The following FZD1 variants were observed in gnomAD, a reference collection of about 807,000 sequenced individuals.
The protein encoded by FZD1 is frizzled class receptor 1.
FZD1 carries 22 observed loss-of-function variants against 48.0 expected under a neutral mutation model. The ratio of observed to expected loss-of-function variants is 0.46; its 90% CI spans 0.33 to 0.65. The LOEUF (loss-of-function observed/expected upper bound fraction) is 0.65. Among genes scored for constraint, FZD1 ranks in the 30% least tolerant of loss-of-function variants. FZD1 has a pLI of 0.02. For synonymous variants in FZD1, 486 were observed against 409.6 expected, an observed-to-expected ratio of 1.19 and a Z score of -2.25; for missense variants, 843 against 898.1, an observed-to-expected ratio of 0.94 and a Z score of 0.78.
At position 91,265,917 on chromosome 7, in the gene FZD1, G is replaced by A; in HGVS notation, c.1037G>A (p.Arg346Gln). 6.2e-7 allele frequency: 1 copy of A among 1,614,170 alleles called. No homozygotes were observed. Among genetic ancestry groups the A allele is most frequent in the Non-Finnish European group, 8.5e-7 (1 of 1,180,012 alleles). ...FTVLTYLVDM[R>Q]RFSYPERPII... ...GTGCTTACGTACCTGGTGGACATGC[G>A]GCGCTTCAGCTACCCGGAGCGGCCC... Residue 346 changes from arginine (R) to glutamine (Q), a missense_variant, in exon 1 of 1, where the codon CGG becomes CAG. This residue lies in a region of FZD1 where 353 missense variants were observed against 431.6 expected (regional missense o/e 0.82). Transcript: ENST00000287934. The surrounding 1 kb of genome is among the most constrained non-coding windows in gnomAD (Gnocchi z 6.9).
At position 91,268,547 on chromosome 7, in the gene FZD1, A is replaced by G. The variant is rs974824442; in HGVS notation, c.*1723A>G. On this transcript the variant is annotated 3_prime_UTR_variant, in exon 1 of 1. Transcript: ENST00000287934. ...TCAAAATGCCGGTACTTAGGACCTA[A>G]ATTTATCTATGTCTGTCATACGCTA... The G allele has an allele frequency of 6.0e-6, 1 of 167,004 alleles. No homozygotes were observed. Among genetic ancestry groups the G allele is most frequent in the African/African-American group, 2.4e-5 (1 of 41,434 alleles). The allele number at this position is 167,004 out of a possible 1,614,324, so 10.3% of individuals were successfully genotyped here.
rs1803941954 is a variant in FZD1, at chr7:91,269,754, T to TA, written c.*2931dup. 6.0e-6 allele frequency: 1 copy of TA among 166,908 alleles called. No individual in the cohort carries two copies. Among genetic ancestry groups the TA allele is most frequent in the Non-Finnish European group, 1.5e-5 (1 of 68,106 alleles). The allele number at this position is 166,908 out of a possible 1,614,324, so 10.3% of individuals were successfully genotyped here. On this transcript the variant is annotated 3_prime_UTR_variant, in exon 1 of 1. Coordinates refer to ENST00000287934, the MANE Select transcript of FZD1 (RefSeq NM_003505.2). Reference sequence around the variant, plus strand: ...AGATAGAGGGTTTATTGTATAGACATACACAAAAAAATAGTATTCTTAGGC... The same window carrying TA: ...AGATAGAGGGTTTATTGTATAGACATAACACAAAAAAATAGTATTCTTAGGC...
In FZD1 at chr7:91,265,672, G is replaced by T; in HGVS notation, c.792G>T (p.Gly264=). The change falls in exon 1 of 1, where the codon GGG becomes GGT. Residue 264 remains glycine (G), a synonymous_variant. Transcript: ENST00000287934. This position sits in a 1 kb window ranked among gnomAD's most constrained non-coding sequence, Gnocchi z 6.9. ...GAGGGCACCGTGGCGGCTTCCCGGG[G>T]GGCGCCGGCGCGTCGGAGCGAGGCA... The part of the protein sequence containing the change: ...GGGGHRGGFP[G]GAGASERGKF... 1 of 1,569,232 alleles carries T rather than the reference G, an allele frequency of 6.4e-7. No individual in the cohort carries two copies.
At position 91,265,789 on chromosome 7, in the gene FZD1, C is replaced by G; in HGVS notation, c.909C>G (p.Thr303=). 1 of 1,612,682 alleles carries G rather than the reference C, an allele frequency of 6.2e-7. No individual in the cohort carries two copies. ...EKDCGAPCEP[T]KVYGLMYFGP... is the part of the protein sequence containing the mutation. ...ACTGCGGCGCACCTTGTGAGCCGAC[C>G]AAGGTGTATGGGCTCATGTACTTCG... The change falls in exon 1 of 1, where the codon ACC becomes ACG. Residue 303 remains threonine, a synonymous_variant. Transcript: ENST00000287934. The surrounding 1 kb of genome is among the most constrained non-coding windows in gnomAD (Gnocchi z 6.9).
rs2116130300 is a variant in FZD1 at position 91,265,095 on chromosome 7, C to T, written c.215C>T (p.Ala72Val). The T allele has an allele frequency of 7.2e-7, 1 of 1,390,170 alleles. No homozygotes were observed. The highest frequency in any genetic ancestry group is 9.3e-7 in the Non-Finnish European group (1 of 1,075,180). 86.1% of individuals were successfully genotyped at this position (1,390,170 alleles called of 1,614,324 possible). A position where few individuals can be genotyped will look rare whatever the true frequency, so the allele number is the denominator to read the frequency against. Residue 72 changes from alanine to valine, a missense_variant, in exon 1 of 1, where the codon GCC becomes GTC. Around this residue, in one of 2 missense-constraint regions of FZD1, gnomAD observed 490 missense variants for 466.5 expected, o/e 1.05. Coordinates refer to ENST00000287934, the MANE Select transcript of FZD1 (RefSeq NM_003505.2). This position sits in a 1 kb window ranked among gnomAD's most constrained non-coding sequence, Gnocchi z 6.9. ...LEAPLLLGVRAQAAGQGPGQG... is the reference protein window; with the variant it reads ...LEAPLLLGVRVQAAGQGPGQG... ...GCTCCGCTGCTGCTGGGGGTCCGGG[C>T]CCAGGCGGCGGGCCAGGGGCCAGGC...
Position 91,264,868 on chromosome 7 carries a change from G to A in FZD1, c.-13G>A, listed in dbSNP as rs1803841566. 2 of 1,286,612 alleles carry A rather than the reference G, an allele frequency of 1.6e-6. No individual in the cohort carries two copies. Among genetic ancestry groups the A allele is most frequent in the South Asian group, 2.5e-5 (1 of 39,404 alleles). The allele number at this position is 1,286,612 out of a possible 1,614,324, so 79.7% of individuals were successfully genotyped here. On this transcript the variant is annotated 5_prime_UTR_variant, in exon 1 of 1. Coordinates refer to ENST00000287934, the MANE Select transcript of FZD1 (RefSeq NM_003505.2). ...CCCCAGCGGAGCGGCGCCAAGAGAG[G>A]AGCCGAGAAAGTATGGCTGAGGAGG... is the stretch of plus-strand genomic sequence containing the variant.
chr7:91,267,721 C>T lies in FZD1; in HGVS notation c.*897C>T, dbSNP rs972617395. ...TTGGTTACAGGGTGAGTGAGATAAC[C>T]AATGCCAAACTTTTTGAAGTCTAAT... On this transcript the variant is annotated 3_prime_UTR_variant, in exon 1 of 1. Coordinates refer to ENST00000287934, the MANE Select transcript of FZD1 (RefSeq NM_003505.2). 11 of 167,068 alleles carry T rather than the reference C, an allele frequency of 6.6e-5. No individual in the cohort carries two copies. The highest frequency in any genetic ancestry group is 2.4e-4 in the African/African-American group (10 of 41,450). 10.3% of individuals were successfully genotyped at this position (167,068 alleles called of 1,614,324 possible).
Position 91,265,208 on chromosome 7 carries a change from G to T in FZD1, c.328G>T (p.Val110Phe). 1.2e-6 allele frequency: 2 copies of T among 1,613,804 alleles called. No homozygotes were observed. Among genetic ancestry groups the T allele is most frequent in the Non-Finnish European group, 1.7e-6 (2 of 1,179,932 alleles). Residue 110 changes from valine (V) to phenylalanine (F), a missense_variant, in exon 1 of 1, where the codon GTC becomes TTC. By Grantham distance (50) the Val-to-Phe change is conservative. Transcript: ENST00000287934. The surrounding 1 kb of genome is among the most constrained non-coding windows in gnomAD (Gnocchi z 6.9). ...GTACAACGGCGAGCGGGGCATCTCC[G>T]TCCCGGACCACGGCTATTGCCAGCC... ...QQYNGERGISVPDHGYCQPIS... is the reference protein window; with the variant it reads ...QQYNGERGISFPDHGYCQPIS...
In FZD1 at chr7:91,267,059, G is replaced by C. The variant is rs1803896593; in HGVS notation, c.*235G>C. The C allele has an allele frequency of 9.9e-6, 5 of 504,440 alleles. No homozygotes were observed. The highest frequency in any genetic ancestry group is 1.8e-5 in the Non-Finnish European group (5 of 276,214). The allele number at this position is 504,440 out of a possible 1,614,324, so 31.2% of individuals were successfully genotyped here. On this transcript the variant is annotated 3_prime_UTR_variant, in exon 1 of 1. Transcript: ENST00000287934. ...GACAGACCTCTTGCCCTCACACTCT[G>C]GTACCAGGACTGTTCGCTTTTATGA... is the stretch of plus-strand genomic sequence containing the variant.
At position 91,266,032 on chromosome 7, in the gene FZD1, G is replaced by C; in HGVS notation, c.1152G>C (p.Lys384Asn). ...LLEDRVVCNDKFAEDGARTVA... is the reference protein window; with the variant it reads ...LLEDRVVCNDNFAEDGARTVA... ...AAGACCGAGTGGTGTGTAATGACAA[G>C]TTCGCCGAGGACGGGGCACGCACTG... The change falls in exon 1 of 1, where the codon AAG becomes AAC. Residue 384 changes from lysine (K) to asparagine (N), a missense_variant. Around this residue, in one of 2 missense-constraint regions of FZD1, gnomAD observed 353 missense variants for 431.6 expected, o/e 0.82. Transcript: ENST00000287934. The surrounding 1 kb of genome is among the most constrained non-coding windows in gnomAD (Gnocchi z 6.8). 6.2e-7 allele frequency: 1 copy of C among 1,614,218 alleles called. No homozygotes were observed. Among genetic ancestry groups the C allele is most frequent in the Admixed American group, 1.7e-5 (1 of 60,034 alleles).
At position 91,266,291 on chromosome 7, in the gene FZD1, G is replaced by T. The variant is rs371579888; in HGVS notation, c.1411G>T (p.Asp471Tyr). ...TILALGQVDG[D>Y]VLSGVCFVGL... ...CCTGGCGCTGGGCCAGGTGGACGGCGATGTGCTGAGCGGAGTGTGCTTCGT... is the reference window on the plus strand; with the variant it reads ...CCTGGCGCTGGGCCAGGTGGACGGCTATGTGCTGAGCGGAGTGTGCTTCGT... Residue 471 changes from aspartate to tyrosine, a missense_variant, in exon 1 of 1, where the codon GAT (aspartate) becomes TAT (tyrosine). Physicochemically the swap from Asp to Tyr is radical, Grantham distance 160. Transcript: ENST00000287934. This position sits in a 1 kb window ranked among gnomAD's most constrained non-coding sequence, Gnocchi z 6.8. The T allele has an allele frequency of 4.3e-6, 7 of 1,614,152 alleles. No homozygotes were observed. The highest frequency in any genetic ancestry group is 5.9e-6 in the Non-Finnish European group (7 of 1,180,030).
At position 91,270,119 on chromosome 7, in the gene FZD1, C is replaced by T. The variant is rs1312972953; in HGVS notation, c.*3295C>T. The T allele has an allele frequency of 6.0e-6, 1 of 166,942 alleles. No individual in the cohort carries two copies. Among genetic ancestry groups the T allele is most frequent in the Non-Finnish European group, 1.5e-5 (1 of 68,100 alleles). 10.3% of individuals were successfully genotyped at this position (166,942 alleles called of 1,614,324 possible). ...ACCATAAGGCTACTTGGGATACTGT[C>T]CCATTAGCATTGCTGTTTCCATGAC... On this transcript the variant is annotated 3_prime_UTR_variant, in exon 1 of 1. Coordinates refer to ENST00000287934, the MANE Select transcript of FZD1 (RefSeq NM_003505.2).
chr7:91,270,801 G>A lies in FZD1; in HGVS notation c.*3977G>A, dbSNP rs990678628. The A allele has an allele frequency of 1.6e-4, 27 of 167,024 alleles. No individual in the cohort carries two copies. The highest frequency in any genetic ancestry group is 6.5e-4 in the African/African-American group (27 of 41,450). The allele number at this position is 167,024 out of a possible 1,614,324, so 10.3% of individuals were successfully genotyped here. A position where few individuals can be genotyped will look rare whatever the true frequency, so the allele number is the denominator to read the frequency against. ...TTCATTTCTTATTATAATAGTCTGT[G>A]TAACTGGGGCCTGAGAGATTAGAAG... On this transcript the variant is annotated 3_prime_UTR_variant, in exon 1 of 1. Coordinates refer to ENST00000287934, the MANE Select transcript of FZD1 (RefSeq NM_003505.2).
Position 91,264,917 on chromosome 7 carries a change from G to T in FZD1, c.37G>T (p.Ala13Ser). The T allele has an allele frequency of 3.8e-6, 5 of 1,329,752 alleles. No individual in the cohort carries two copies. The highest frequency in any genetic ancestry group is 4.8e-6 in the Non-Finnish European group (5 of 1,044,782). 82.4% of individuals were successfully genotyped at this position (1,329,752 alleles called of 1,614,324 possible). A position where few individuals can be genotyped will look rare whatever the true frequency, so the allele number is the denominator to read the frequency against. Residue 13 changes from alanine to serine, a missense_variant, in exon 1 of 1, where the codon GCC becomes TCC. Physicochemically the swap from Ala to Ser is moderately conservative, Grantham distance 99. Coordinates refer to ENST00000287934, the MANE Select transcript of FZD1 (RefSeq NM_003505.2). ...GGAGGCGCCTAAGAAGTCCCGGGCCGCCGGCGGTGGCGCGAGCTGGGAACT... is the reference window on the plus strand; with the variant it reads ...GGAGGCGCCTAAGAAGTCCCGGGCCTCCGGCGGTGGCGCGAGCTGGGAACT... ...EEEAPKKSRAAGGGASWELCA... is the reference protein window; with the variant it reads ...EEEAPKKSRASGGGASWELCA...
At position 91,266,384 on chromosome 7, in the gene FZD1, G is replaced by C; in HGVS notation, c.1504G>C (p.Gly502Arg). Residue 502 changes from glycine to arginine, a missense_variant, in exon 1 of 1, where the codon GGC (glycine) becomes CGC (arginine). Transcript: ENST00000287934. This position sits in a 1 kb window ranked among gnomAD's most constrained non-coding sequence, Gnocchi z 6.8. Reference protein sequence around the residue: ...LAPLFVYLFIGTSFLLAGFVS... With the variant: ...LAPLFVYLFIRTSFLLAGFVS... ...GCCCCTCTTCGTGTACCTGTTTATCGGCACGTCCTTTCTGCTGGCCGGCTT... is the reference window on the plus strand; with the variant it reads ...GCCCCTCTTCGTGTACCTGTTTATCCGCACGTCCTTTCTGCTGGCCGGCTT... 2.5e-6 allele frequency: 4 copies of C among 1,614,112 alleles called. No homozygotes were observed. Among genetic ancestry groups the C allele is most frequent in the Non-Finnish European group, 3.4e-6 (4 of 1,180,014 alleles).
Position 91,265,271 on chromosome 7 carries a change from C to CA in FZD1, c.392dup (p.Thr132AspfsTer33). The stretch of plus-strand genomic sequence containing the variant: ...GCTGTGCACGGACATCGCGTACAAC[C>CA]AGACCATCATGCCCAACCTGCTGGG... On this transcript the variant is annotated frameshift_variant, in exon 1 of 1. Coordinates refer to ENST00000287934, the MANE Select transcript of FZD1 (RefSeq NM_003505.2). LOFTEE classifies it high-confidence loss of function. The surrounding 1 kb of genome is among the most constrained non-coding windows in gnomAD (Gnocchi z 6.9). 6.2e-7 allele frequency: 1 copy of CA among 1,614,146 alleles called. No homozygotes were observed. Among genetic ancestry groups the CA allele is most frequent in the South Asian group, 1.1e-5 (1 of 91,088 alleles).
rs769490450 is a variant in FZD1, at chr7:91,266,092, C to T, written c.1212C>T (p.Ile404=). 5 of 1,614,212 alleles carry T rather than the reference C, an allele frequency of 3.1e-6. No individual in the cohort carries two copies. In the South Asian group the frequency reaches 4.4e-5, roughly 14 times the overall value. ...GCACCAAGAAGGAGGGCTGCACCAT[C>T]CTCTTCATGATGCTCTACTTCTTCA... ...AQGTKKEGCT[I]LFMMLYFFSM... The change falls in exon 1 of 1, where the codon ATC becomes ATT. Residue 404 remains isoleucine (I), a synonymous_variant. Transcript: ENST00000287934. This position sits in a 1 kb window ranked among gnomAD's most constrained non-coding sequence, Gnocchi z 6.8.
At position 91,265,162 on chromosome 7, in the gene FZD1, G is replaced by T. The variant is rs529145118; in HGVS notation, c.282G>T (p.Gln94His). Reference protein sequence around the residue: ...GPGQQPPPPPQQQQSGQQYNG... With the variant: ...GPGQQPPPPPHQQQSGQQYNG... ...GGCAGCAACCGCCGCCGCCGCCTCA[G>T]CAGCAACAGAGCGGGCAGCAGTACA... The change falls in exon 1 of 1, where the codon CAG becomes CAT. Residue 94 changes from glutamine (Q) to histidine (H), a missense_variant. Physicochemically the swap from Gln to His is conservative, Grantham distance 24 (BLOSUM62 0). Transcript: ENST00000287934. This position sits in a 1 kb window ranked among gnomAD's most constrained non-coding sequence, Gnocchi z 6.9. 51 of 1,582,060 alleles carry T rather than the reference G, an allele frequency of 3.2e-5. No homozygotes were observed. The African/African-American group carries it at 6.5e-4, about 20-fold the overall frequency.
At position 91,268,656 on chromosome 7, in the gene FZD1, T is replaced by TTA. The variant is rs923926524; in HGVS notation, c.*1843_*1844dup. On this transcript the variant is annotated 3_prime_UTR_variant, in exon 1 of 1. Coordinates refer to ENST00000287934, the MANE Select transcript of FZD1 (RefSeq NM_003505.2). ...TCTATATTTATAGAGGAATAGAAGT[T>TTA]TATATATATATAATACCATATTTTT... 4 of 166,050 alleles carry TTA rather than the reference T, an allele frequency of 2.4e-5. No homozygotes were observed. The highest frequency in any genetic ancestry group is 7.2e-5 in the African/African-American group (3 of 41,408). 10.3% of individuals were successfully genotyped at this position (166,050 alleles called of 1,614,324 possible).
Sources: gnomAD v4.1 joint callset for allele counts on GRCh38, gnomAD v4.1.1 for gene constraint, gnomAD v4.1.1 regional missense constraint, Gnocchi (gnomAD v3.1) non-coding constraint, MANE v1.5 for transcripts, NCBI Gene and HGNC (gene_info 2026-07-23, HGNC 2026-07-21) for gene names.